ASIC2: variants seen among roughly 807,000 people sequenced by gnomAD.
The protein encoded by ASIC2 is acid-sensing ion channel 2.
A neutral mutation model predicts 57.3 loss-of-function variants in ASIC2; 25 were observed. That is an observed-to-expected ratio of 0.44 (90% CI 0.32 to 0.61). ASIC2 has a LOEUF of 0.61. ASIC2 is among the 20% of genes least tolerant of loss of function. The pLI, the probability that ASIC2 is intolerant of heterozygous loss-of-function variation, is 0.06. For missense variants in ASIC2, 641 were observed against 738.1 expected (o/e 0.87, Z 1.52); for synonymous variants, 319 against 307.5 (o/e 1.04, Z -0.39).
chr17:33,729,252 AAG>A (rs1422609384), intron 1 of ASIC2, among the ~76,000 whole-genome samples: 4 of 152,154 alleles, frequency 2.6e-5, no homozygotes, highest in Non-Finnish European at 5.9e-5. Context: ...AAGAGGGAGC[AAG>A]AGAGAGAGCA....
chr17:33,858,704 C>T (rs1479440739), intron 1 of ASIC2, among the ~76,000 whole-genome samples: 6 of 152,190 alleles, frequency 3.9e-5, no homozygotes, highest in African/African-American at 1.2e-4. Context: ...GAGCTCTGCA[C>T]CTGAGACCTT....
At chr17:33,889,055 G>C (rs1287305407) in intron 1 of ASIC2, among the ~76,000 whole-genome samples, 1 of 152,180 alleles carries the variant, frequency 6.6e-6, no homozygotes, top group Non-Finnish European at 1.5e-5. Flanking sequence ...GGGGATGAGA[G>C]GGGAACCTAC....
intron 1 of ASIC2, among the ~76,000 whole-genome samples, chr17:33,365,300 C>T (rs2141934247): frequency 6.6e-6 from 1 of 152,304 alleles, no homozygotes; most frequent in Non-Finnish European, 1.5e-5. Flanking sequence ...CCTGTTAAAG[C>T]TCTTCTCATG....
rs1913652176 is a variant in ASIC2, at chr17:33,488,598, A to G, written c.556-376531T>C. Among the ~76,000 whole-genome samples, 3 of 152,280 alleles carry G rather than the reference A, an allele frequency of 2.0e-5. No homozygotes were observed. In the South Asian group the frequency reaches 6.2e-4, roughly 32 times the overall value. On this transcript the variant is annotated intron_variant, in intron 1 of 9. Coordinates refer to the ASIC2 transcript ENST00000359872. ...TTGGATTTTATGTTCATTTCTAATCATGGTAAAACACACACAGCATAAAAT... is the reference window on the plus strand; with the variant it reads ...TTGGATTTTATGTTCATTTCTAATCGTGGTAAAACACACACAGCATAAAAT...
chr17:33,900,178 T>C (rs1239371301), intron 1 of ASIC2, among the ~76,000 whole-genome samples: 3 of 152,250 alleles, frequency 2.0e-5, no homozygotes, highest in Non-Finnish European at 2.9e-5. Flanking sequence ...AAGTATCATA[T>C]GCATTCTTTA....
At chr17:33,889,137 C>A (rs2141945825) in intron 1 of ASIC2, among the ~76,000 whole-genome samples, 1 of 152,262 alleles carries the variant, frequency 6.6e-6, no homozygotes, top group African/African-American at 2.4e-5. Context: ...GGTGAGGGCA[C>A]TGGAGAATGA....
intron 1 of ASIC2, among the ~76,000 whole-genome samples, chr17:33,374,062 C>G (rs1293485799): frequency 1.3e-5 from 2 of 152,138 alleles, no homozygotes; most frequent in African/African-American, 4.8e-5. Context: ...GTAGCATGAT[C>G]TTGGCTCGCT....
At chr17:33,793,035 A>T (rs185070720) in intron 1 of ASIC2, 1 of 152,324 alleles carries the variant, frequency 6.6e-6, no homozygotes, top group Non-Finnish European at 1.5e-5. Context: ...ATTTGAAGTA[A>T]TTAACAAAAT....
chr17:33,526,836 C>T lies in ASIC2; in HGVS notation c.556-414769G>A, dbSNP rs572041137. ...TCTGTGACTGTGTCTCCTGGAAAGG[C>T]CAGATCTGATGTCCATGCAGGAAGC... On this transcript the variant is annotated intron_variant, in intron 1 of 9. Coordinates refer to the ASIC2 transcript ENST00000359872. 4.8e-4 allele frequency among the ~76,000 whole-genome samples: 73 copies of T among 152,288 alleles called. No homozygotes were observed. The Middle Eastern group carries it at 0.02, about 43-fold the overall frequency.
intron 1 of ASIC2, among the ~76,000 whole-genome samples, chr17:33,899,700 T>G (rs1452988208): frequency 1.3e-5 from 2 of 152,216 alleles, no homozygotes; most frequent in African/African-American, 2.4e-5. Context: ...TTACTTAAAT[T>G]TCAAATACTG....
rs373383449 is a variant in ASIC2, at chr17:33,566,803, G to GC, written c.556-454737dup. ...CCCATTCCCTGGCATGACACACAGG[G>GC]CCCTCCGTGATCTTTCCTGACTGTG... On this transcript the variant is annotated intron_variant, in intron 1 of 9. Transcript: ENST00000359872. Among the ~76,000 whole-genome samples, 674 of 152,140 alleles carry GC rather than the reference G, an allele frequency of 4.4e-3. 7 individuals carry two copies. The highest frequency in any genetic ancestry group is 0.011 in the East Asian group (58 of 5,150).
chr17:33,185,002 AAG>A (rs1324435890), intron 1 of ASIC2, among the ~76,000 whole-genome samples: 3 of 152,164 alleles, frequency 2.0e-5, no homozygotes, highest in Non-Finnish European at 4.4e-5. Flanking sequence ...GCATTAATGA[AAG>A]AGAGAAATTT....
rs1904328631 is a variant in ASIC2 at position 33,141,956 on chromosome 17, C to T, written c.709-29889G>A. ...TACAAAATAGCAATAAGGACATCTT[C>T]AATTTGTTACAAAATGAAATCGTAT... On this transcript the variant is annotated intron_variant, in intron 1 of 9. Transcript: ENST00000225823. Among the ~76,000 whole-genome samples, 3 of 152,316 alleles carry T rather than the reference C, an allele frequency of 2.0e-5. No individual in the cohort carries two copies. The South Asian group carries it at 6.2e-4, about 32-fold the overall frequency.
intron 1 of ASIC2, among the ~76,000 whole-genome samples, chr17:33,839,795 C>CCAG (rs939316298): frequency 3.9e-5 from 6 of 152,116 alleles, no homozygotes; most frequent in East Asian, 1.9e-4. Context: ...CAGGTACCAC[C>CCAG]CAGCAGCAGC....
chr17:33,557,481 A>C (rs1407477595), intron 1 of ASIC2, among the ~76,000 whole-genome samples: 1 of 152,246 alleles, frequency 6.6e-6, no homozygotes, highest in East Asian at 1.9e-4. Flanking sequence ...GCGTGTAAGT[A>C]GATGTTATAA....
At chr17:33,408,474 G>A (rs918076756) in intron 1 of ASIC2, among the ~76,000 whole-genome samples, 1 of 152,196 alleles carries the variant, frequency 6.6e-6, no homozygotes, top group Non-Finnish European at 1.5e-5. Flanking sequence ...CTCAGTTTGT[G>A]CATCTTTAAA....
At chr17:33,835,601 A>T (rs1484968306) in intron 1 of ASIC2, among the ~76,000 whole-genome samples, 1 of 152,156 alleles carries the variant, frequency 6.6e-6, no homozygotes, top group Admixed American at 6.5e-5. Flanking sequence ...GCGGAAGATC[A>T]CACAGATAAT....
At chr17:33,345,887 G>A (rs1907923175) in intron 1 of ASIC2, among the ~76,000 whole-genome samples, 1 of 152,096 alleles carries the variant, frequency 6.6e-6, no homozygotes, top group Non-Finnish European at 1.5e-5. Flanking sequence ...CCAGTAGAAT[G>A]ATGAGAAATG....
At chr17:33,921,953 C>G (rs938820277) in intron 1 of ASIC2, among the ~76,000 whole-genome samples, 1 of 152,074 alleles carries the variant, frequency 6.6e-6, no homozygotes, top group South Asian at 2.1e-4. Context: ...AAATGATTAA[C>G]AATGGAATTG....
Sources: gnomAD v4.1 joint callset for allele counts (sites outside exome capture counted in the v4.1 genomes callset) on GRCh38, gnomAD v4.1.1 for gene constraint, MANE v1.5 for transcripts, NCBI Gene and HGNC (gene_info 2026-07-23, HGNC 2026-07-21) for gene names.